The following AFG1L variants were observed in gnomAD, a reference collection of about 807,000 sequenced individuals.
The protein encoded by AFG1L is AFG1 like ATPase, also known as AFG1-like ATPase.
AFG1L carries 53 observed loss-of-function variants against 62.2 expected under a neutral mutation model. The observed-to-expected ratio is 0.85, with a 90% CI of 0.68 to 1.07. The LOEUF is 1.07. Among genes scored for constraint, AFG1L ranks in the 50% least tolerant of loss-of-function variants. AFG1L has a pLI of 0.00. For missense variants in AFG1L, 555 were observed against 590.5 expected (o/e 0.94, Z 0.62); for synonymous variants, 228 against 210.3 (o/e 1.08, Z -0.73).
chr6:108,303,079 A>C (rs1250299893), intron 1 of AFG1L, among the ~76,000 whole-genome samples: 2 of 151,868 alleles, frequency 1.3e-5, no homozygotes, highest in Non-Finnish European at 2.9e-5. Flanking sequence ...CACCTGGCTA[A>C]TTTTTGTATT....
chr6:108,456,795 T>C (rs1226312777), intron 8 of AFG1L, among the ~76,000 whole-genome samples: 1 of 152,178 alleles, frequency 6.6e-6, no homozygotes, highest in East Asian at 1.9e-4. Context: ...GATATGATGG[T>C]GGTCACATAA....
intron 8 of AFG1L, among the ~76,000 whole-genome samples, chr6:108,458,144 G>T (rs1772322392): frequency 6.6e-6 from 1 of 151,912 alleles, no homozygotes; most frequent in Admixed American, 6.6e-5. Flanking sequence ...TGTTTCTTTT[G>T]CCTGGATTTG....
intron 3 of AFG1L, among the ~76,000 whole-genome samples, chr6:108,354,512 C>A (rs1471423683): frequency 6.6e-6 from 1 of 152,052 alleles, no homozygotes; most frequent in African/African-American, 2.4e-5. Flanking sequence ...GCCATGTTGA[C>A]CAGGCCTGTC....
At chr6:108,486,402 A>G (rs1307881190) in intron 10 of AFG1L, among the ~76,000 whole-genome samples, 1 of 152,190 alleles carries the variant, frequency 6.6e-6, no homozygotes, top group Non-Finnish European at 1.5e-5. Flanking sequence ...CAATTAGAAT[A>G]TTTAATAAGG....
intron 7 of AFG1L, among the ~76,000 whole-genome samples, chr6:108,410,850 C>T (rs1346586662): frequency 1.3e-5 from 2 of 152,148 alleles, no homozygotes; most frequent in Non-Finnish European, 2.9e-5. Flanking sequence ...CAGTCTACAG[C>T]TCCCAGTGTA....
chr6:108,496,606 C>T (rs1051405952), intron 10 of AFG1L, among the ~76,000 whole-genome samples: 101 of 152,108 alleles, frequency 6.6e-4, no homozygotes, highest in African/African-American at 1.8e-3. Flanking sequence ...TGAAAAATAA[C>T]GCACAGTAAA....
chr6:108,425,877 C>T (rs148892211), intron 7 of AFG1L, among the ~76,000 whole-genome samples: 152 of 152,118 alleles, frequency 1.0e-3, no homozygotes, highest in African/African-American at 3.5e-3. Flanking sequence ...TAGATAATAG[C>T]TTAAAATTTA....
At chr6:108,369,708 A>G (rs545285033) in intron 6 of AFG1L, among the ~76,000 whole-genome samples, 1 of 152,094 alleles carries the variant, frequency 6.6e-6, no homozygotes, top group African/African-American at 2.4e-5. Context: ...TCCTGGGTTC[A>G]AGCAGTTCTC....
chr6:108,523,505 A>G lies in AFG1L; in HGVS notation c.*1080A>G, dbSNP rs925538862. The G allele has an allele frequency of 1.3e-5, 2 of 152,220 alleles. No individual in the cohort carries two copies. The highest frequency in any genetic ancestry group is 1.3e-4 in the Admixed American group (2 of 15,276). The allele number at this position is 152,220 out of a possible 1,614,324, so 9.4% of individuals were successfully genotyped here. On this transcript the variant is annotated 3_prime_UTR_variant, in exon 13 of 13. Coordinates refer to ENST00000368977, the MANE Select transcript of AFG1L (RefSeq NM_145315.5). ...CTGTGGATGAGTGTGAAAAACAGAA[A>G]AAATATAAAATCCACAAAATCTTGT...
At chr6:108,374,147 T>C (rs113694790) in intron 6 of AFG1L, among the ~76,000 whole-genome samples, 3,389 of 152,308 alleles carry the variant, frequency 0.022, 123 homozygotes, top group African/African-American at 0.077. Flanking sequence ...TTGAGAAGTG[T>C]CTGTTCATTT....
chr6:108,355,554 G>A lies in AFG1L; in HGVS notation c.416-100G>A, dbSNP rs565361012. ...GTGACATAGTCTTCAGCTTCCTAGC[G>A]GAAGAGTATGGTTTCATTATCTCAA... is the stretch of plus-strand genomic sequence containing the variant. On this transcript the variant is annotated intron_variant, in intron 3 of 12. Coordinates refer to ENST00000368977, the MANE Select transcript of AFG1L (RefSeq NM_145315.5). 5.7e-5 allele frequency: 32 copies of A among 557,514 alleles called. No individual in the cohort carries two copies. In the East Asian group the frequency reaches 6.4e-4, roughly 11 times the overall value. The allele number at this position is 557,514 out of a possible 1,614,324, so 34.5% of individuals were successfully genotyped here. A position where few individuals can be genotyped will look rare whatever the true frequency, so the allele number is the denominator to read the frequency against.
intron 1 of AFG1L, among the ~76,000 whole-genome samples, chr6:108,306,750 C>T (rs1001963598): frequency 6.6e-6 from 1 of 152,192 alleles, no homozygotes; most frequent in Non-Finnish European, 1.5e-5. Flanking sequence ...GATCCTTGAA[C>T]TCCTTCCCTT....
intron 10 of AFG1L, among the ~76,000 whole-genome samples, chr6:108,493,492 T>A (rs1175346791): frequency 6.6e-6 from 1 of 152,148 alleles, no homozygotes; most frequent in Non-Finnish European, 1.5e-5. Flanking sequence ...ACTCTAGAAA[T>A]ATGGAGGGTC....
chr6:108,389,991 T>C (rs901360109), intron 6 of AFG1L, among the ~76,000 whole-genome samples: 5 of 152,196 alleles, frequency 3.3e-5, no homozygotes, highest in Non-Finnish European at 7.3e-5. Flanking sequence ...TTGGTTCCAT[T>C]CTCCCTTTCA....
intron 8 of AFG1L, among the ~76,000 whole-genome samples, chr6:108,459,343 C>G (rs563222218): frequency 2.6e-4 from 40 of 152,270 alleles, no homozygotes; most frequent in Admixed American, 5.2e-4. Flanking sequence ...GTCCCTATTC[C>G]TGAAGTCTGG....
intron 7 of AFG1L, among the ~76,000 whole-genome samples, chr6:108,445,100 A>G (rs929347524): frequency 1.7e-4 from 26 of 152,194 alleles, no homozygotes; most frequent in African/African-American, 6.3e-4. Context: ...CTGCATCAGC[A>G]CTTGCTGCTT....
chr6:108,362,431 TG>T (rs1346338359), intron 5 of AFG1L, among the ~76,000 whole-genome samples: 1 of 152,202 alleles, frequency 6.6e-6, no homozygotes, highest in Non-Finnish European at 1.5e-5. Flanking sequence ...TCTATGTGCC[TG>T]TGTTCTTAAT....
chr6:108,416,956 G>A (rs1256506134), intron 7 of AFG1L, among the ~76,000 whole-genome samples: 1 of 151,686 alleles, frequency 6.6e-6, no homozygotes, highest in Admixed American at 6.6e-5. Context: ...AAGGGGCCTG[G>A]GCTGGGTGTG....
intron 2 of AFG1L, among the ~76,000 whole-genome samples, chr6:108,340,697 G>A (rs1354006547): frequency 2.0e-5 from 3 of 152,110 alleles, no homozygotes; most frequent in Admixed American, 6.6e-5. Flanking sequence ...AATTTAATGT[G>A]ATGGGCCCTG....
Sources: gnomAD v4.1 joint callset for allele counts (sites outside exome capture counted in the v4.1 genomes callset) on GRCh38, gnomAD v4.1.1 for gene constraint, MANE v1.5 for transcripts, NCBI Gene and HGNC (gene_info 2026-07-23, HGNC 2026-07-21) for gene names.